GALNT18: variants seen among roughly 807,000 people sequenced by gnomAD.
GALNT18 encodes GalNAc-transferase 18.
Under a neutral mutation model 69.5 loss-of-function variants are expected in GALNT18, and 44 were observed. The ratio of observed to expected loss-of-function variants is 0.63; its 90% CI spans 0.50 to 0.81. The LOEUF is 0.81. Among genes scored for constraint, GALNT18 ranks in the 40% least tolerant of loss-of-function variants. The probability of loss-of-function intolerance (pLI) is 0.00; values close to 1 mark genes in which losing one functional copy is unlikely to be tolerated. For missense variants in GALNT18, 715 were observed against 810.0 expected (o/e 0.88, Z 1.42); for synonymous variants, 364 against 318.2 (o/e 1.14, Z -1.53).
In GALNT18 at chr11:11,480,070, G is replaced by C. The variant is rs952054409; in HGVS notation, c.236-31134C>G. ...GTTTGTAGATCTTGGAGCGGGGAGGGGGTACAGGAGGCAGAAAATACTGCT... is the reference window on the plus strand; with the variant it reads ...GTTTGTAGATCTTGGAGCGGGGAGGCGGTACAGGAGGCAGAAAATACTGCT... On this transcript the variant is annotated intron_variant, in intron 1 of 10. Coordinates refer to ENST00000227756, the MANE Select transcript of GALNT18 (RefSeq NM_198516.3). This position sits in a 1 kb window ranked among gnomAD's most constrained non-coding sequence, Gnocchi z 4.6. 1.3e-5 allele frequency among the ~76,000 whole-genome samples: 2 copies of C among 151,752 alleles called. No homozygotes were observed. Among genetic ancestry groups the C allele is most frequent in the African/African-American group, 4.8e-5 (2 of 41,238 alleles).
chr11:11,463,929 T>C lies in GALNT18; in HGVS notation c.236-14993A>G, dbSNP rs1196208070. Among the ~76,000 whole-genome samples, 5 of 152,238 alleles carry C rather than the reference T, an allele frequency of 3.3e-5. No individual in the cohort carries two copies. The East Asian group carries it at 5.8e-4, about 18-fold the overall frequency. ...CTCATGATTTTGAAAGGGGGAAAAA[T>C]TAGTCCTTTCCATCTGGCAAATTCT... On this transcript the variant is annotated intron_variant, in intron 1 of 10. Coordinates refer to ENST00000227756, the MANE Select transcript of GALNT18 (RefSeq NM_198516.3). This position sits in a 1 kb window ranked among gnomAD's most constrained non-coding sequence, Gnocchi z 4.2.
intron 1 of GALNT18, among the ~76,000 whole-genome samples, chr11:11,609,183 C>G (rs1859827580): frequency 6.6e-6 from 1 of 152,236 alleles, no homozygotes; most frequent in African/African-American, 2.4e-5. Flanking sequence ...CTCACCCCCT[C>G]TGGTAGCTCC....
At chr11:11,498,472 A>T (rs1856911703) in intron 1 of GALNT18, among the ~76,000 whole-genome samples, 1 of 152,216 alleles carries the variant, frequency 6.6e-6, no homozygotes, top group Non-Finnish European at 1.5e-5. Context: ...TCTGTAGAAG[A>T]GTCGAGAAAA....
intron 1 of GALNT18, among the ~76,000 whole-genome samples, chr11:11,578,260 C>T (rs112231734): frequency 1.9e-4 from 29 of 149,576 alleles, no homozygotes; most frequent in Non-Finnish European, 4.0e-4. Flanking sequence ...CTGGGGCTGA[C>T]GCTCCTGCAG....
chr11:11,577,408 G>A (rs917765279), intron 1 of GALNT18, among the ~76,000 whole-genome samples: 2 of 152,236 alleles, frequency 1.3e-5, no homozygotes, highest in East Asian at 1.9e-4. Context: ...AACCTTCTCC[G>A]TCCACTCTCT....
chr11:11,531,446 G>A (rs1051665124), intron 1 of GALNT18, among the ~76,000 whole-genome samples: 2 of 152,216 alleles, frequency 1.3e-5, no homozygotes, highest in African/African-American at 4.8e-5. Flanking sequence ...GTGTATGCGA[G>A]TGCATACGCA....
chr11:11,419,772 C>T (rs532362613), intron 3 of GALNT18, among the ~76,000 whole-genome samples: 3 of 151,898 alleles, frequency 2.0e-5, no homozygotes, highest in African/African-American at 7.2e-5. Flanking sequence ...GCTGCCTTTA[C>T]GTCTCCTCCC....
rs1330739367 is a variant in GALNT18, at chr11:11,347,049, C to A, written c.1093-6045G>T. 6.6e-6 allele frequency among the ~76,000 whole-genome samples: 1 copy of A among 152,130 alleles called. No homozygotes were observed. Among genetic ancestry groups the A allele is most frequent in the Admixed American group, 6.5e-5 (1 of 15,276 alleles). On this transcript the variant is annotated intron_variant, in intron 6 of 10. Coordinates refer to ENST00000227756, the MANE Select transcript of GALNT18 (RefSeq NM_198516.3). The surrounding 1 kb of genome is among the most constrained non-coding windows in gnomAD (Gnocchi z 4.0). ...AGGGAGGCTCAGATCACTTTCTTAT[C>A]CCAGGCTGAGGAGCCACTGGTACAA... is the stretch of plus-strand genomic sequence containing the variant.
At chr11:11,474,775 G>C (rs977856516) in intron 1 of GALNT18, among the ~76,000 whole-genome samples, 1 of 152,180 alleles carries the variant, frequency 6.6e-6, no homozygotes, top group Non-Finnish European at 1.5e-5. Context: ...TCCTAACCAT[G>C]GGAAGAGTTG....
At position 11,532,329 on chromosome 11, in the gene GALNT18, T is replaced by A. The variant is rs74746337; in HGVS notation, c.236-83393A>T. Among the ~76,000 whole-genome samples, 3 of 152,274 alleles carry A rather than the reference T, an allele frequency of 2.0e-5. No individual in the cohort carries two copies. In the East Asian group the frequency reaches 5.8e-4, roughly 29 times the overall value. ...TTCTAAAAACCAAGTAGACCATCGT[T>A]CATCTCTTTTTACAAGTAAGAAACC... On this transcript the variant is annotated intron_variant, in intron 1 of 10. Transcript: ENST00000227756.
At chr11:11,589,235 G>A (rs1466511957) in intron 1 of GALNT18, among the ~76,000 whole-genome samples, 2 of 152,212 alleles carry the variant, frequency 1.3e-5, no homozygotes, top group African/African-American at 4.8e-5. Context: ...AGACCAGTGA[G>A]GAAGTGGGGG....
In GALNT18 at chr11:11,466,059, A is replaced by G. The variant is rs559087277; in HGVS notation, c.236-17123T>C. On this transcript the variant is annotated intron_variant, in intron 1 of 10. Coordinates refer to ENST00000227756, the MANE Select transcript of GALNT18 (RefSeq NM_198516.3). The stretch of plus-strand genomic sequence containing the variant: ...CTGTATTTTTTGCATTTCACCCATT[A>G]TACGCAAACAGATATAAGGGAAACG... Among the ~76,000 whole-genome samples the G allele has an allele frequency of 2.0e-5, 3 of 152,176 alleles. No homozygotes were observed. In the South Asian group the frequency reaches 6.2e-4, roughly 32 times the overall value.
At chr11:11,438,703 T>C (rs1020971519) in intron 2 of GALNT18, among the ~76,000 whole-genome samples, 1 of 151,978 alleles carries the variant, frequency 6.6e-6, no homozygotes, top group East Asian at 1.9e-4. Flanking sequence ...AGTGAGACAG[T>C]GGTGTTGTGT....
chr11:11,505,280 T>G lies in GALNT18; in HGVS notation c.236-56344A>C, dbSNP rs1381973518. On this transcript the variant is annotated intron_variant, in intron 1 of 10. Transcript: ENST00000227756. The surrounding 1 kb of genome is among the most constrained non-coding windows in gnomAD (Gnocchi z 4.6). ...GATTAGTCATGGATTGGTTGTGAGA[T>G]ATTATGAATATCAACCTTAAGTAAA... Among the ~76,000 whole-genome samples the G allele has an allele frequency of 6.6e-6, 1 of 152,186 alleles. No homozygotes were observed. Among genetic ancestry groups the G allele is most frequent in the African/African-American group, 2.4e-5 (1 of 41,436 alleles).
intron 8 of GALNT18, among the ~76,000 whole-genome samples, chr11:11,330,437 T>C (rs1418113962): frequency 2.0e-5 from 3 of 152,208 alleles, no homozygotes; most frequent in African/African-American, 7.2e-5. Flanking sequence ...GAGTTCATTA[T>C]GCTCTTTGAC....
chr11:11,272,914 A>G (rs1366548085), intron 10 of GALNT18, among the ~76,000 whole-genome samples: 2 of 152,244 alleles, frequency 1.3e-5, no homozygotes, highest in African/African-American at 4.8e-5. Context: ...ACATCTCAAG[A>G]GAGTGTTAAG....
Position 11,543,428 on chromosome 11 carries a change from T to C in GALNT18, c.235+77931A>G, listed in dbSNP as rs1354541734. On this transcript the variant is annotated intron_variant, in intron 1 of 10. Coordinates refer to ENST00000227756, the MANE Select transcript of GALNT18 (RefSeq NM_198516.3). The surrounding 1 kb of genome is among the most constrained non-coding windows in gnomAD (Gnocchi z 5.1). ...TGGAGACCCACTCTGGAACTGGATA[T>C]GCCACCCATTTTAGGTCGGGGATGT... 6.6e-6 allele frequency among the ~76,000 whole-genome samples: 1 copy of C among 152,116 alleles called. No homozygotes were observed. The highest frequency in any genetic ancestry group is 2.4e-5 in the African/African-American group (1 of 41,432).
At chr11:11,271,371 G>A (rs1453894005) in intron 10 of GALNT18, 81 bp from the exon 11 acceptor site, 11 of 1,445,788 alleles carry the variant, frequency 7.6e-6, no homozygotes, top group African/African-American at 2.8e-5. Context: ...CAAGTGGCTG[G>A]TGAGGGCTGA....
chr11:11,292,074 T>C (rs11021761), intron 10 of GALNT18, among the ~76,000 whole-genome samples: 8,427 of 151,966 alleles, frequency 0.055, 307 homozygotes, highest in Middle Eastern at 0.16. Context: ...GAGGCTGGAG[T>C]CAGGGACTCC....
Sources: allele counts gnomAD v4.1 joint callset (sites outside exome capture counted in the v4.1 genomes callset), GRCh38; gene constraint gnomAD v4.1.1; non-coding constraint Gnocchi (gnomAD v3.1); transcripts MANE v1.5; gene names NCBI Gene and HGNC (gene_info 2026-07-23, HGNC 2026-07-21).